Variants in SAMD8 observed in about 807,000 individuals in gnomAD.
SAMD8 encodes the protein sphingomyelin synthase-related protein 1.
SAMD8 carries 20 observed loss-of-function variants against 42.0 expected under a neutral mutation model. The ratio of observed to expected loss-of-function variants is 0.48; its 90% CI spans 0.34 to 0.69. The LOEUF (loss-of-function observed/expected upper bound fraction) is 0.69, where lower values mean the gene tolerates loss of function less well. SAMD8 is among the 30% of genes least tolerant of loss of function. SAMD8 has a pLI of 0.01. For missense variants in SAMD8, 328 were observed against 511.6 expected (o/e 0.64, Z 3.46); for synonymous variants, 162 against 173.0 (o/e 0.94, Z 0.50).
At chr10:75,132,655 T>C (rs1239876998) in intron 1 of SAMD8, among the ~76,000 whole-genome samples, 3 of 151,806 alleles carry the variant, frequency 2.0e-5, no homozygotes, top group African/African-American at 4.8e-5. Flanking sequence ...ATAAAATCTT[T>C]CCTGTATACT....
chr10:75,133,661 C>T (rs1047742784), intron 1 of SAMD8, among the ~76,000 whole-genome samples: 1 of 152,166 alleles, frequency 6.6e-6, no homozygotes, highest in Admixed American at 6.5e-5. Context: ...TTTGCAGCAA[C>T]ATGGATGAAT....
At chr10:75,164,773 GT>G (rs1564693908) in intron 3 of SAMD8, 33 bp downstream of exon 3, 4 of 1,427,066 alleles carry the variant, frequency 2.8e-6, no homozygotes, top group Admixed American at 3.4e-5. Flanking sequence ...GACTGAAAAT[GT>G]TTTGACTCCT....
chr10:75,159,063 C>CTTTTTTTTTTTTTTTT (rs530043259), intron 2 of SAMD8, among the ~76,000 whole-genome samples: 10 of 133,462 alleles, frequency 7.5e-5, no homozygotes, highest in African/African-American at 2.6e-4. Flanking sequence ...TTTTCTTTTT[C>CTTTTTTTTTTTTTTTT]TTTTTTTTTT....
chr10:75,125,930 A>T, intron 1 of SAMD8: 1 of 152,196 alleles, frequency 6.6e-6, no homozygotes, highest in East Asian at 1.9e-4. Flanking sequence ...TAAAGTGGAG[A>T]TTATACTAAA....
Position 75,176,413 on chromosome 10 carries a change from G to C in SAMD8, c.969G>C (p.Leu323Phe). 6.5e-7 allele frequency: 1 copy of C among 1,546,114 alleles called. No homozygotes were observed. Among genetic ancestry groups the C allele is most frequent in the Middle Eastern group, 1.7e-4 (1 of 5,918 alleles). ...ATACACCAAGAAGCTGGAATTTCTT[G>C]CACACTTTATCCTGGGTTCTCAACC... is the stretch of plus-strand genomic sequence containing the variant. ...TEYTPRSWNF[L>F]HTLSWVLNLF... Residue 323 changes from leucine to phenylalanine, a missense_variant, in exon 6 of 6, where the codon TTG becomes TTC. This residue lies in a region of SAMD8 where 178 missense variants were observed against 325.6 expected (regional missense o/e 0.55). Transcript: ENST00000542569. The surrounding 1 kb of genome is among the most constrained non-coding windows in gnomAD (Gnocchi z 4.3).
chr10:75,165,995 AAAAG>A (rs1181557014), intron 3 of SAMD8, among the ~76,000 whole-genome samples: 3 of 151,912 alleles, frequency 2.0e-5, no homozygotes, highest in Admixed American at 6.6e-5. Context: ...AAAAAAAAAA[AAAAG>A]AAAGATTATT....
At chr10:75,159,030 A>G (rs1393024539) in intron 2 of SAMD8, among the ~76,000 whole-genome samples, 1 of 151,258 alleles carries the variant, frequency 6.6e-6, no homozygotes, top group Admixed American at 6.6e-5. Flanking sequence ...TTCATATGCA[A>G]AGTTTTGTGT....
intron 1 of SAMD8, among the ~76,000 whole-genome samples, chr10:75,139,613 T>G (rs1839972624): frequency 6.6e-6 from 1 of 152,230 alleles, no homozygotes; most frequent in African/African-American, 2.4e-5. Context: ...AAATTTTGTG[T>G]GTGAGAGAAA....
chr10:75,148,346 C>CTTTTTTTTTTTTT lies in SAMD8; in HGVS notation c.-15-2155_-15-2143dup, dbSNP rs60024591. ...GGGAAAGAATGCAGAGCAATACCAG[C>CTTTTTTTTTTTTT]TTTTTTTTTTTTTTTTTTTTTTTTT... On this transcript the variant is annotated intron_variant, in intron 1 of 5. Transcript: ENST00000542569. Among the ~76,000 whole-genome samples, 247 of 82,552 alleles carry CTTTTTTTTTTTTT rather than the reference C, an allele frequency of 3.0e-3. 25 individuals are homozygous for CTTTTTTTTTTTTT. The highest frequency in any genetic ancestry group is 5.7e-3 in the African/African-American group (88 of 15,312). 54.2% of individuals were successfully genotyped at this position (82,552 alleles called of 152,430 possible).
At chr10:75,128,219 C>A (rs1849190380) in intron 1 of SAMD8, among the ~76,000 whole-genome samples, 1 of 151,698 alleles carries the variant, frequency 6.6e-6, no homozygotes, top group South Asian at 2.1e-4. Flanking sequence ...ATTACAGGCA[C>A]ATGCTACCAC....
intron 1 of SAMD8, among the ~76,000 whole-genome samples, chr10:75,117,521 C>T (rs758860214): frequency 1.5e-4 from 22 of 151,724 alleles, no homozygotes; most frequent in Non-Finnish European, 2.6e-4. Flanking sequence ...TCAAGACCAC[C>T]CTGGCCAACA....
intron 1 of SAMD8, chr10:75,104,246 G>T: frequency 2.3e-6 from 1 of 433,058 alleles, no homozygotes; most frequent in South Asian, 2.0e-5. Flanking sequence ...GCTGCTGGGA[G>T]AGATGAGGAG....
chr10:75,170,774 T>A (rs1018846625), intron 4 of SAMD8, among the ~76,000 whole-genome samples: 2 of 145,258 alleles, frequency 1.4e-5, no homozygotes, highest in African/African-American at 2.5e-5. Context: ...TTTTGGGTTT[T>A]TTTTTTTTTT....
intron 1 of SAMD8, among the ~76,000 whole-genome samples, chr10:75,140,265 G>A (rs1320440340): frequency 4.6e-5 from 7 of 152,018 alleles, no homozygotes; most frequent in African/African-American, 7.2e-5. Context: ...CCACCAAGCC[G>A]GGCTAATTTT....
At chr10:75,138,335 T>C (rs1165118337) in intron 1 of SAMD8, among the ~76,000 whole-genome samples, 1 of 152,190 alleles carries the variant, frequency 6.6e-6, no homozygotes, top group African/African-American at 2.4e-5. Flanking sequence ...TCCAGTAGTA[T>C]TGAGAATGTC....
intron 1 of SAMD8, among the ~76,000 whole-genome samples, chr10:75,126,758 C>G (rs1022101647): frequency 2.0e-5 from 3 of 151,518 alleles, no homozygotes; most frequent in African/African-American, 7.3e-5. Context: ...GCCTTGGCTT[C>G]CCAAAGTGCT....
At chr10:75,106,022 C>T (rs745765611) in intron 1 of SAMD8, among the ~76,000 whole-genome samples, 7 of 151,834 alleles carry the variant, frequency 4.6e-5, no homozygotes, top group South Asian at 2.1e-4. Context: ...GTTTCCTGAT[C>T]GGTAAAATGG....
chr10:75,123,819 A>G (rs1029782294), intron 1 of SAMD8, among the ~76,000 whole-genome samples: 1 of 151,148 alleles, frequency 6.6e-6, no homozygotes, highest in African/African-American at 2.4e-5. Context: ...GCCTGAGAGT[A>G]GCTACTCAGC....
chr10:75,130,508 A>C lies in SAMD8; in HGVS notation c.-16+18786A>C, dbSNP rs149691180. ...GCAACAAGAGCGAAACTCCATCTCA[A>C]AAACAAAAAAAACACTATGATCATT... On this transcript the variant is annotated intron_variant, in intron 1 of 5. Coordinates refer to ENST00000542569, the MANE Select transcript of SAMD8 (RefSeq NM_001174156.2). Among the ~76,000 whole-genome samples the C allele has an allele frequency of 3.2e-3, 485 of 152,032 alleles. 1 individual carries two copies. The highest frequency in any genetic ancestry group is 5.6e-3 in the Non-Finnish European group (381 of 68,010).
Sources: gnomAD v4.1 joint callset for allele counts (sites outside exome capture counted in the v4.1 genomes callset) on GRCh38, gnomAD v4.1.1 for gene constraint, gnomAD v4.1.1 regional missense constraint, Gnocchi (gnomAD v3.1) non-coding constraint, MANE v1.5 for transcripts, NCBI Gene and HGNC (gene_info 2026-07-23, HGNC 2026-07-21) for gene names.